The following HS3ST2 variants were observed in gnomAD, a reference collection of about 807,000 sequenced individuals.
HS3ST2 encodes the protein heparan sulfate glucosamine 3-O-sulfotransferase 2.
Under a neutral mutation model 26.3 loss-of-function variants are expected in HS3ST2, and 17 were observed. The ratio of observed to expected loss-of-function variants is 0.65; its 90% CI spans 0.44 to 0.97. The LOEUF (loss-of-function observed/expected upper bound fraction) is 0.97, where lower values mean the gene tolerates loss of function less well. Ranked by LOEUF, HS3ST2 falls within the 50% of genes least tolerant of loss-of-function variation. The pLI is 0.00. For missense variants in HS3ST2, 402 were observed against 501.2 expected (o/e 0.80, Z 1.89); for synonymous variants, 237 against 219.2 (o/e 1.08, Z -0.72).
intron 1 of HS3ST2, among the ~76,000 whole-genome samples, chr16:22,896,139 C>G (rs1031041060): frequency 6.6e-6 from 1 of 152,076 alleles, no homozygotes; most frequent in African/African-American, 2.4e-5. Flanking sequence ...ATAATGTTGA[C>G]ATTAGAAGCT....
intron 1 of HS3ST2, among the ~76,000 whole-genome samples, chr16:22,857,924 G>A (rs1567489508): frequency 6.6e-6 from 1 of 152,130 alleles, no homozygotes; most frequent in Non-Finnish European, 1.5e-5. Flanking sequence ...CATTGGAGGG[G>A]AGCTGAAGGA....
chr16:22,861,049 A>G (rs557138813), intron 1 of HS3ST2, among the ~76,000 whole-genome samples: 1 of 151,718 alleles, frequency 6.6e-6, no homozygotes, highest in African/African-American at 2.4e-5. Context: ...AATTTTTAAA[A>G]ATTTTTTTGT....
intron 1 of HS3ST2, among the ~76,000 whole-genome samples, chr16:22,867,608 AAAG>A (rs1273785299): frequency 6.6e-6 from 1 of 152,248 alleles, no homozygotes; most frequent in Non-Finnish European, 1.5e-5. Context: ...TCAGCAAGTG[AAAG>A]AAAAAATACT....
chr16:22,827,834 C>T (rs1011244660), intron 1 of HS3ST2, among the ~76,000 whole-genome samples: 2 of 151,330 alleles, frequency 1.3e-5, no homozygotes, highest in African/African-American at 2.4e-5. Context: ...ACTTCAGCCT[C>T]CCTAATATGA....
At chr16:22,893,037 G>T (rs1902150963) in intron 1 of HS3ST2, among the ~76,000 whole-genome samples, 1 of 152,132 alleles carries the variant, frequency 6.6e-6, no homozygotes, top group South Asian at 2.1e-4. Flanking sequence ...ACACATTATA[G>T]AACAATATTA....
intron 1 of HS3ST2, among the ~76,000 whole-genome samples, chr16:22,909,674 T>C (rs1336754201): frequency 2.6e-5 from 4 of 152,220 alleles, no homozygotes; most frequent in Non-Finnish European, 5.9e-5. Context: ...GACTACAGCA[T>C]GTTTGCAACC....
At chr16:22,893,415 G>A (rs1023245211) in intron 1 of HS3ST2, among the ~76,000 whole-genome samples, 4 of 152,134 alleles carry the variant, frequency 2.6e-5, no homozygotes, top group African/African-American at 9.7e-5. Flanking sequence ...TGGATATTCT[G>A]TTTCACATTA....
At chr16:22,815,128 G>C in intron 1 of HS3ST2, 33 bp downstream of exon 1, 1 of 1,603,128 alleles carries the variant, frequency 6.2e-7, no homozygotes, top group African/African-American at 1.3e-5. Context: ...CGTGCGCCGG[G>C]TCTCTGATCG....
Position 22,915,185 on chromosome 16 carries a change from G to A in HS3ST2, c.727G>A (p.Val243Met), listed in dbSNP as rs138024835. The A allele has an allele frequency of 2.6e-4, 419 of 1,614,094 alleles. No homozygotes were observed. Among genetic ancestry groups the A allele is most frequent in the Non-Finnish European group, 3.2e-4 (377 of 1,180,026 alleles). ...FRNRTLGLVD[V>M]SWNAIRIGMY... ...CAACCGCACCCTGGGCCTGGTGGAC[G>A]TGTCATGGAACGCCATCCGCATCGG... The change falls in exon 2 of 2, where the codon GTG (valine) becomes ATG (methionine). Residue 243 changes from valine (V) to methionine (M), a missense_variant. Coordinates refer to ENST00000261374, the MANE Select transcript of HS3ST2 (RefSeq NM_006043.2).
chr16:22,870,552 T>A (rs2058948879), intron 1 of HS3ST2, among the ~76,000 whole-genome samples: 1 of 152,152 alleles, frequency 6.6e-6, no homozygotes, highest in African/African-American at 2.4e-5. Flanking sequence ...CAATGCCTGT[T>A]CCTGTTTGTC....
intron 1 of HS3ST2, among the ~76,000 whole-genome samples, chr16:22,848,615 G>T (rs934067527): frequency 9.2e-5 from 14 of 152,036 alleles, no homozygotes; most frequent in Non-Finnish European, 1.0e-4. Context: ...CTTCACATAC[G>T]CCTCCACAAC....
At chr16:22,844,995 C>T (rs1901410401) in intron 1 of HS3ST2, among the ~76,000 whole-genome samples, 1 of 151,704 alleles carries the variant, frequency 6.6e-6, no homozygotes, top group African/African-American at 2.4e-5. Flanking sequence ...GCTGGGATTA[C>T]AGGTGCCTGC....
chr16:22,889,327 C>T (rs896191502), intron 1 of HS3ST2, among the ~76,000 whole-genome samples: 48 of 152,166 alleles, frequency 3.2e-4, no homozygotes, highest in African/African-American at 1.1e-3. Context: ...GAAGGGCATC[C>T]TGTAACATGT....
chr16:22,872,669 C>T (rs1901854002), intron 1 of HS3ST2, among the ~76,000 whole-genome samples: 1 of 152,172 alleles, frequency 6.6e-6, no homozygotes, highest in Non-Finnish European at 1.5e-5. Context: ...AGTACCTCAA[C>T]CAGCAACTCT....
At chr16:22,907,115 A>G (rs1276647035) in intron 1 of HS3ST2, among the ~76,000 whole-genome samples, 1 of 152,224 alleles carries the variant, frequency 6.6e-6, no homozygotes, top group East Asian at 1.9e-4. Context: ...GACAAGTAAG[A>G]TGGATCAGAG....
At chr16:22,895,980 T>G (rs941047266) in intron 1 of HS3ST2, among the ~76,000 whole-genome samples, 1 of 143,366 alleles carries the variant, frequency 7.0e-6, no homozygotes, top group Non-Finnish European at 1.5e-5. Context: ...AATTTTTATC[T>G]TTTTTTTTTT....
chr16:22,864,664 A>G (rs1263358517), intron 1 of HS3ST2, among the ~76,000 whole-genome samples: 1 of 152,124 alleles, frequency 6.6e-6, no homozygotes, highest in African/African-American at 2.4e-5. Flanking sequence ...TACAAATCAC[A>G]TGTTTACCAC....
chr16:22,888,481 G>T (rs1303028967), intron 1 of HS3ST2, among the ~76,000 whole-genome samples: 1 of 149,726 alleles, frequency 6.7e-6, no homozygotes, highest in African/African-American at 2.5e-5. Context: ...CCACCTCCCG[G>T]GTTCAAGCAA....
At position 22,891,929 on chromosome 16, in the gene HS3ST2, A is replaced by G. The variant is rs546395812; in HGVS notation, c.486-23015A>G. ...GGAGTAAAGCAGTGAAGGGTTTTGT[A>G]TGAAAATCAAAGAATAGGCTGTTCT... On this transcript the variant is annotated intron_variant, in intron 1 of 1. Coordinates refer to ENST00000261374, the MANE Select transcript of HS3ST2 (RefSeq NM_006043.2). Among the ~76,000 whole-genome samples, 213 of 152,234 alleles carry G rather than the reference A, an allele frequency of 1.4e-3. 2 individuals carry two copies. The highest frequency in any genetic ancestry group is 4.9e-3 in the African/African-American group (205 of 41,540).
Sources: gnomAD v4.1 joint callset for allele counts (sites outside exome capture counted in the v4.1 genomes callset) on GRCh38, gnomAD v4.1.1 for gene constraint, MANE v1.5 for transcripts, NCBI Gene and HGNC (gene_info 2026-07-23, HGNC 2026-07-21) for gene names.